The following CAST variants were observed in gnomAD, a reference collection of about 807,000 sequenced individuals.
CAST encodes MIR583 host.
In CAST, 76 loss-of-function variants were observed where a neutral mutation model predicts 119.6. The observed-to-expected ratio is 0.64, with a 90% CI of 0.53 to 0.77. The LOEUF (loss-of-function observed/expected upper bound fraction) is 0.77, where lower values mean the gene tolerates loss of function less well. Among genes scored for constraint, CAST ranks in the 30% least tolerant of loss-of-function variants. The probability of loss-of-function intolerance (pLI) is 0.00; values close to 1 mark genes in which losing one functional copy is unlikely to be tolerated. For missense variants in CAST, 953 were observed against 946.5 expected (o/e 1.01, Z -0.09); for synonymous variants, 319 against 331.6 (o/e 0.96, Z 0.41).
chr5:96,190,351 G>A, the CAST span, among the ~76,000 whole-genome samples: 1 of 152,208 alleles, frequency 6.6e-6, no homozygotes, highest in East Asian at 1.9e-4. Flanking sequence ...AGGGAGATCA[G>A]AAAGTGTAGG....
chr5:96,014,493 C>T, the CAST span, among the ~76,000 whole-genome samples: 4 of 152,036 alleles, frequency 2.6e-5, no homozygotes, highest in African/African-American at 9.7e-5. Context: ...ATGTACTATA[C>T]ATAATTGTGT....
the CAST span, among the ~76,000 whole-genome samples, chr5:96,276,492 CA>C: frequency 6.6e-6 from 1 of 152,092 alleles, no homozygotes; most frequent in African/African-American, 2.4e-5. Flanking sequence ...CTTTCACTTA[CA>C]AAGAAAAGAA....
At chr5:96,757,561 A>G in intron 23 of CAST, 22 bp from the exon 24 acceptor site, 1 of 1,612,720 alleles carries the variant, frequency 6.2e-7, no homozygotes, top group Non-Finnish European at 8.5e-7. Flanking sequence ...GTGTTTGTTG[A>G]TACATTTCCT....
At chr5:96,222,084 C>A in the CAST span, among the ~76,000 whole-genome samples, 1 of 152,086 alleles carries the variant, frequency 6.6e-6, no homozygotes, top group Non-Finnish European at 1.5e-5. Flanking sequence ...GGACCTCTAT[C>A]TCTCCCCACA....
At chr5:96,700,556 C>A (rs1753751299) in intron 3 of CAST, among the ~76,000 whole-genome samples, 1 of 152,122 alleles carries the variant, frequency 6.6e-6, no homozygotes, top group Non-Finnish European at 1.5e-5. Context: ...TAACAAGCTT[C>A]CAGTGGATGT....
At chr5:96,601,074 CTTG>C (rs1747143479) in intron 1 of CAST, among the ~76,000 whole-genome samples, 1 of 152,062 alleles carries the variant, frequency 6.6e-6, no homozygotes, top group African/African-American at 2.4e-5. Flanking sequence ...CTTTGGTCTC[CTTG>C]TTGTGTGAAT....
At chr5:96,383,175 TC>T in the CAST span, among the ~76,000 whole-genome samples, 1 of 152,092 alleles carries the variant, frequency 6.6e-6, no homozygotes, top group Admixed American at 6.6e-5. Context: ...ATTATGATGA[TC>T]AGAAAGGCTT....
At chr5:96,291,277 T>C in the CAST span, among the ~76,000 whole-genome samples, 1 of 152,342 alleles carries the variant, frequency 6.6e-6, no homozygotes, top group African/African-American at 2.4e-5. Flanking sequence ...AGTTTTGGGA[T>C]AATTTGTTAT....
chr5:96,108,946 A>G, the CAST span, among the ~76,000 whole-genome samples: 2 of 152,220 alleles, frequency 1.3e-5, no homozygotes, highest in Non-Finnish European at 2.9e-5. Flanking sequence ...TTTTAAGCCC[A>G]TCGGAAAAGC....
At chr5:96,349,913 A>T in the CAST span, among the ~76,000 whole-genome samples, 1 of 151,846 alleles carries the variant, frequency 6.6e-6, no homozygotes, top group African/African-American at 2.4e-5. Flanking sequence ...GAGAAATAGC[A>T]TCAGTCTAAT....
intron 3 of CAST, among the ~76,000 whole-genome samples, chr5:96,720,598 G>T (rs1162858107): frequency 6.6e-6 from 1 of 152,230 alleles, no homozygotes; most frequent in Non-Finnish European, 1.5e-5. Context: ...GCTGCCAACA[G>T]GGGCCAAGGC....
the CAST span, among the ~76,000 whole-genome samples, chr5:96,244,035 GACGTT>G: frequency 6.6e-6 from 1 of 152,206 alleles, no homozygotes; most frequent in Non-Finnish European, 1.5e-5. Flanking sequence ...TAAGCAGAGT[GACGTT>G]AAGGTTAGAA....
At chr5:96,562,480 A>G (rs1746396727) in intron 1 of CAST, among the ~76,000 whole-genome samples, 1 of 152,192 alleles carries the variant, frequency 6.6e-6, no homozygotes, top group African/African-American at 2.4e-5. Flanking sequence ...TTGATAATAC[A>G]TTGTGATAGT....
the CAST span, among the ~76,000 whole-genome samples, chr5:96,362,907 C>T: frequency 1.3e-5 from 2 of 152,182 alleles, no homozygotes. Context: ...GAAGTCCTTG[C>T]CCATGCCTGT....
chr5:96,448,452 G>A, the CAST span, among the ~76,000 whole-genome samples: 11 of 152,000 alleles, frequency 7.2e-5, no homozygotes, highest in Admixed American at 2.0e-4. Context: ...AATGTATATC[G>A]CGCTTTTATC....
At chr5:96,219,101 C>T in the CAST span, among the ~76,000 whole-genome samples, 3 of 152,184 alleles carry the variant, frequency 2.0e-5, no homozygotes, top group African/African-American at 7.2e-5. Context: ...GGTATTATCA[C>T]TATTATTTTT....
the CAST span, among the ~76,000 whole-genome samples, chr5:96,287,499 G>C: frequency 6.6e-6 from 1 of 152,038 alleles, no homozygotes; most frequent in African/African-American, 2.4e-5. Flanking sequence ...GATGTGAAAT[G>C]AACCCATAAA....
At position 96,733,974 on chromosome 5, in the gene CAST, A is replaced by G. The variant is rs1208558597; in HGVS notation, c.631-2198A>G. On this transcript the variant is annotated intron_variant, in intron 9 of 31. Transcript: ENST00000675179. Reference sequence around the variant, plus strand: ...CTGTCTAGGGGGTGGGGAAAAGACAATGTACCTGGGGCTGTATTTCAATCA... The same window carrying G: ...CTGTCTAGGGGGTGGGGAAAAGACAGTGTACCTGGGGCTGTATTTCAATCA... 2.0e-5 allele frequency among the ~76,000 whole-genome samples: 3 copies of G among 152,202 alleles called. No individual in the cohort carries two copies. The South Asian group carries it at 6.2e-4, about 31-fold the overall frequency.
chr5:96,256,370 A>AAT, the CAST span, among the ~76,000 whole-genome samples: 37 of 147,410 alleles, frequency 2.5e-4, no homozygotes, highest in East Asian at 7.8e-4. Flanking sequence ...AATATACAGT[A>AAT]ATATATATAT....
Sources: allele counts gnomAD v4.1 joint callset (sites outside exome capture counted in the v4.1 genomes callset), GRCh38; gene constraint gnomAD v4.1.1; transcripts MANE v1.5; gene names NCBI Gene and HGNC (gene_info 2026-07-23, HGNC 2026-07-21).